KCNQ5: variants seen among roughly 807,000 people sequenced by gnomAD.
The protein encoded by KCNQ5 is potassium voltage-gated channel subfamily Q member 5, also known as potassium voltage-gated channel subfamily KQT member 5.
In KCNQ5, 30 loss-of-function variants were observed where a neutral mutation model predicts 98.2. The observed-to-expected ratio is 0.31, with a 90% CI of 0.23 to 0.41. KCNQ5 has a LOEUF of 0.41. Ranked by LOEUF, KCNQ5 falls within the 10% of genes least tolerant of loss-of-function variation. The probability of loss-of-function intolerance (pLI) is 1.00; values close to 1 mark genes in which losing one functional copy is unlikely to be tolerated. For missense variants in KCNQ5, 835 were observed against 1,182.5 expected, an observed-to-expected ratio of 0.71 and a Z score of 4.31; for synonymous variants, 458 against 449.4, an observed-to-expected ratio of 1.02 and a Z score of -0.24.
chr6:72,735,776 A>G (rs1227179180), intron 1 of KCNQ5, among the ~76,000 whole-genome samples: 2 of 152,042 alleles, frequency 1.3e-5, no homozygotes, highest in African/African-American at 4.8e-5. Context: ...GTCATTTTAG[A>G]TGCTTTGAAA....
At chr6:72,763,587 A>C (rs182407570) in intron 1 of KCNQ5, among the ~76,000 whole-genome samples, 1 of 152,036 alleles carries the variant, frequency 6.6e-6, no homozygotes. Flanking sequence ...CTAATACCTT[A>C]GTATTTGAAA....
At chr6:72,983,986 C>T (rs1448710550) in intron 1 of KCNQ5, among the ~76,000 whole-genome samples, 2 of 152,178 alleles carry the variant, frequency 1.3e-5, no homozygotes, top group African/African-American at 4.8e-5. Flanking sequence ...GCGGTCCACT[C>T]CAGACCCTGT....
At chr6:73,061,314 T>C (rs1582278985) in intron 3 of KCNQ5, among the ~76,000 whole-genome samples, 2 of 152,104 alleles carry the variant, frequency 1.3e-5, no homozygotes, top group Non-Finnish European at 1.5e-5. Flanking sequence ...TGGAAACGGG[T>C]AGGAGTAAGA....
At chr6:72,661,938 A>G (rs190868674) in intron 1 of KCNQ5, among the ~76,000 whole-genome samples, 26 of 152,258 alleles carry the variant, frequency 1.7e-4, no homozygotes, top group Non-Finnish European at 2.6e-4. Flanking sequence ...ACAGCACCCA[A>G]TAGAGTGTCA....
chr6:72,849,858 T>C (rs1777175828), intron 1 of KCNQ5, among the ~76,000 whole-genome samples: 3 of 152,150 alleles, frequency 2.0e-5, no homozygotes, highest in Admixed American at 6.6e-5. Context: ...GGTGGATTTA[T>C]TTCTAGTAAT....
intron 1 of KCNQ5, among the ~76,000 whole-genome samples, chr6:72,923,952 G>A (rs1449579503): frequency 6.6e-6 from 1 of 152,054 alleles, no homozygotes; most frequent in African/African-American, 2.4e-5. Flanking sequence ...TAACACAATG[G>A]TTTCCTTTTC....
intron 10 of KCNQ5, among the ~76,000 whole-genome samples, chr6:73,146,473 A>G (rs569131105): frequency 6.6e-6 from 1 of 152,040 alleles, no homozygotes; most frequent in East Asian, 1.9e-4. Flanking sequence ...AAAAATGTAA[A>G]AATTAGCTGG....
chr6:72,753,856 A>G (rs1771818743), intron 1 of KCNQ5, among the ~76,000 whole-genome samples: 1 of 152,128 alleles, frequency 6.6e-6, no homozygotes, highest in Admixed American at 6.5e-5. Context: ...TGGGTGTTTT[A>G]CATATATTTT....
At chr6:72,895,813 C>A (rs902605157) in intron 1 of KCNQ5, among the ~76,000 whole-genome samples, 7 of 151,722 alleles carry the variant, frequency 4.6e-5, no homozygotes, top group African/African-American at 4.8e-5. Flanking sequence ...ACTTTAGAGG[C>A]TTTTCTCTTA....
intron 1 of KCNQ5, among the ~76,000 whole-genome samples, chr6:72,872,916 C>A (rs1386041185): frequency 6.6e-6 from 1 of 151,938 alleles, no homozygotes; most frequent in Admixed American, 6.6e-5. Flanking sequence ...TATTGGAGAA[C>A]CTAAACAATC....
intron 1 of KCNQ5, among the ~76,000 whole-genome samples, chr6:72,670,589 A>G (rs1565070659): frequency 6.6e-6 from 1 of 152,220 alleles, no homozygotes; most frequent in East Asian, 1.9e-4. Context: ...CAACAGAATA[A>G]GTAACTTAAA....
intron 1 of KCNQ5, among the ~76,000 whole-genome samples, chr6:72,631,356 A>G (rs1292293523): frequency 1.3e-5 from 2 of 152,224 alleles, no homozygotes; most frequent in South Asian, 2.1e-4. Flanking sequence ...GTAGGAGGTC[A>G]AGGATGGAAA....
intron 1 of KCNQ5, among the ~76,000 whole-genome samples, chr6:72,854,705 CCT>C (rs199588765): frequency 7.1e-6 from 1 of 140,302 alleles, no homozygotes; most frequent in Non-Finnish European, 1.5e-5. Flanking sequence ...TTAGTAACAA[CCT>C]CTCTCTTTCT....
At chr6:73,152,713 A>C (rs971750805) in intron 10 of KCNQ5, among the ~76,000 whole-genome samples, 2 of 152,206 alleles carry the variant, frequency 1.3e-5, no homozygotes, top group East Asian at 3.8e-4. Context: ...TGAGTGTATT[A>C]GAGCTGATTA....
chr6:72,762,131 G>T (rs572264387), intron 1 of KCNQ5, among the ~76,000 whole-genome samples: 2 of 152,114 alleles, frequency 1.3e-5, no homozygotes, highest in African/African-American at 4.8e-5. Flanking sequence ...CAGTAGAAGT[G>T]CCAGGTAAAT....
chr6:72,689,928 C>A (rs1392378157), intron 1 of KCNQ5, among the ~76,000 whole-genome samples: 1 of 151,892 alleles, frequency 6.6e-6, no homozygotes, highest in Non-Finnish European at 1.5e-5. Context: ...TTAAAGAGTA[C>A]AAGATTGAAT....
At chr6:72,709,550 A>T (rs1222619191) in intron 1 of KCNQ5, among the ~76,000 whole-genome samples, 1 of 152,250 alleles carries the variant, frequency 6.6e-6, no homozygotes, top group East Asian at 1.9e-4. Context: ...ATGAATTGTG[A>T]AATCACTAGA....
intron 1 of KCNQ5, among the ~76,000 whole-genome samples, chr6:72,653,984 C>T (rs1198824893): frequency 6.6e-6 from 1 of 151,980 alleles, no homozygotes; most frequent in African/African-American, 2.4e-5. Context: ...TACCTATGTA[C>T]AGGACTTAAC....
chr6:72,635,450 T>C (rs566131737), intron 1 of KCNQ5, among the ~76,000 whole-genome samples: 1 of 152,352 alleles, frequency 6.6e-6, no homozygotes, highest in South Asian at 2.1e-4. Flanking sequence ...AGTCTCATAA[T>C]GGCTGAATAT....
Sources: gnomAD v4.1 joint callset for allele counts (sites outside exome capture counted in the v4.1 genomes callset) on GRCh38, gnomAD v4.1.1 for gene constraint, MANE v1.5 for transcripts, NCBI Gene and HGNC (gene_info 2026-07-23, HGNC 2026-07-21) for gene names.